The following AGBL4 variants were observed in gnomAD, a reference collection of about 807,000 sequenced individuals.
AGBL4 encodes the protein AGBL carboxypeptidase 4, also known as cytosolic carboxypeptidase 6.
A neutral mutation model predicts 66.4 loss-of-function variants in AGBL4; 58 were observed. The ratio of observed to expected loss-of-function variants is 0.87; its 90% CI spans 0.71 to 1.09. The LOEUF (loss-of-function observed/expected upper bound fraction) is 1.09, where lower values mean the gene tolerates loss of function less well. AGBL4 is among the 50% of genes least tolerant of loss of function. The pLI is 0.00. For synonymous variants in AGBL4, 234 were observed against 222.9 expected (o/e 1.05, Z -0.44); for missense variants, 579 against 631.0 (o/e 0.92, Z 0.88).
chr1:49,431,748 T>A (rs1645791341), intron 3 of AGBL4, among the ~76,000 whole-genome samples: 1 of 152,132 alleles, frequency 6.6e-6, no homozygotes, highest in Non-Finnish European at 1.5e-5. Flanking sequence ...TATTTTAAAC[T>A]TTACATCTGC....
At position 49,466,238 on chromosome 1, in the gene AGBL4, T is replaced by G. The variant is rs1158603378; in HGVS notation, c.283-220374A>C. Among the ~76,000 whole-genome samples, 18 of 152,036 alleles carry G rather than the reference T, an allele frequency of 1.2e-4. No individual in the cohort carries two copies. The East Asian group carries it at 3.5e-3, about 30-fold the overall frequency. The stretch of plus-strand genomic sequence containing the variant: ...CCAATCTATGTTCTTGAGAATCATT[T>G]TATAGAATTTGGGTTCCCCAAAAAT... On this transcript the variant is annotated intron_variant, in intron 3 of 13. Transcript: ENST00000371839.
intron 6 of AGBL4, among the ~76,000 whole-genome samples, chr1:48,770,084 C>G (rs1644738093): frequency 6.6e-6 from 1 of 152,150 alleles, no homozygotes; most frequent in Non-Finnish European, 1.5e-5. Context: ...CATTATTTGT[C>G]TGCTCTCTCT....
chr1:49,598,464 G>A (rs547474784), intron 3 of AGBL4, among the ~76,000 whole-genome samples: 2 of 152,330 alleles, frequency 1.3e-5, no homozygotes, highest in Non-Finnish European at 2.9e-5. Flanking sequence ...GTCTGTTGGA[G>A]TTTGCTAGAG....
At chr1:48,548,029 G>A (rs550733734) in intron 11 of AGBL4, among the ~76,000 whole-genome samples, 1 of 152,164 alleles carries the variant, frequency 6.6e-6, no homozygotes, top group African/African-American at 2.4e-5. Context: ...AATATTTAGG[G>A]AGAACTGACT....
chr1:49,743,098 T>A (rs1178465925), intron 2 of AGBL4, among the ~76,000 whole-genome samples: 4 of 151,968 alleles, frequency 2.6e-5, no homozygotes, highest in South Asian at 2.1e-4. Context: ...AGAAACTACC[T>A]TCAGACTGAA....
chr1:49,257,066 G>A (rs1185176992), intron 3 of AGBL4, among the ~76,000 whole-genome samples: 3 of 147,866 alleles, frequency 2.0e-5, no homozygotes, highest in African/African-American at 7.5e-5. Flanking sequence ...AAGCACAGAA[G>A]CATTAATTAT....
chr1:48,676,010 A>G (rs1646359322), intron 6 of AGBL4, among the ~76,000 whole-genome samples: 1 of 152,220 alleles, frequency 6.6e-6, no homozygotes, highest in South Asian at 2.1e-4. Context: ...GTGCTCCTCG[A>G]AAAAACTCCT....
chr1:48,884,443 C>T (rs776559465), intron 5 of AGBL4, among the ~76,000 whole-genome samples: 12 of 151,604 alleles, frequency 7.9e-5, no homozygotes, highest in Non-Finnish European at 1.5e-4. Context: ...GTTATGAGCC[C>T]ACAGTAGGTG....
At chr1:49,485,796 T>C (rs915742468) in intron 3 of AGBL4, among the ~76,000 whole-genome samples, 1 of 151,572 alleles carries the variant, frequency 6.6e-6, no homozygotes, top group Non-Finnish European at 1.5e-5. Context: ...AGACAGAGGA[T>C]AGAAGGATAG....
intron 3 of AGBL4, among the ~76,000 whole-genome samples, chr1:49,576,498 G>T (rs995819014): frequency 4.6e-5 from 7 of 152,202 alleles, no homozygotes; most frequent in Non-Finnish European, 1.0e-4. Flanking sequence ...CTTTGTGAGA[G>T]ACAGCTATTT....
At chr1:49,266,890 G>A (rs906958963) in intron 3 of AGBL4, among the ~76,000 whole-genome samples, 4 of 152,218 alleles carry the variant, frequency 2.6e-5, no homozygotes, top group African/African-American at 2.4e-5. Flanking sequence ...AATTGTAGGT[G>A]TGAAAGGTTC....
At chr1:49,667,101 A>G (rs538578616) in intron 3 of AGBL4, among the ~76,000 whole-genome samples, 4 of 152,148 alleles carry the variant, frequency 2.6e-5, no homozygotes, top group Non-Finnish European at 5.9e-5. Context: ...AATATAATAC[A>G]TGTTAAAGCA....
At chr1:49,268,412 A>ACACACC (rs1643975631) in intron 3 of AGBL4, among the ~76,000 whole-genome samples, 1 of 20,446 alleles carries the variant, frequency 4.9e-5, no homozygotes, top group Non-Finnish European at 1.1e-4. Flanking sequence ...TTTTTTAAAC[A>ACACACC]CACACACACA....
chr1:48,689,219 A>AAAAGAAAAGAAAAGAAAAG (rs1553207684), intron 6 of AGBL4, among the ~76,000 whole-genome samples: 1 of 141,582 alleles, frequency 7.1e-6, no homozygotes, highest in African/African-American at 3.1e-5. Flanking sequence ...AAAAAAAAAA[A>AAAAGAAAAGAAAAGAAAAG]AAAAGAAAAG....
chr1:49,172,178 T>C (rs1295469247), intron 4 of AGBL4, among the ~76,000 whole-genome samples: 1 of 152,176 alleles, frequency 6.6e-6, no homozygotes, highest in African/African-American at 2.4e-5. Context: ...GATGGACACT[T>C]TGTTCTTTCA....
intron 4 of AGBL4, among the ~76,000 whole-genome samples, chr1:49,137,857 A>G (rs540212134): frequency 8.7e-4 from 132 of 152,264 alleles, no homozygotes; most frequent in African/African-American, 3.0e-3. Flanking sequence ...GGACAAGCCG[A>G]AAATAATAAT....
chr1:48,873,231 A>G (rs1648864371), intron 5 of AGBL4, among the ~76,000 whole-genome samples: 1 of 152,164 alleles, frequency 6.6e-6, no homozygotes, highest in African/African-American at 2.4e-5. Flanking sequence ...TCTGAGCTCT[A>G]GCTATGATCA....
chr1:48,659,888 A>G (rs530485205), intron 7 of AGBL4, among the ~76,000 whole-genome samples: 1 of 152,352 alleles, frequency 6.6e-6, no homozygotes, highest in African/African-American at 2.4e-5. Context: ...ATGGATATGA[A>G]CTGTGTCAGT....
Position 49,107,692 on chromosome 1 carries a change from TGTGAGAGAGAGAGAGAGA to T in AGBL4, c.378-61910_378-61893del, listed in dbSNP as rs1341188390. Among the ~76,000 whole-genome samples, 223 of 117,832 alleles carry T rather than the reference TGTGAGAGAGAGAGAGAGA, an allele frequency of 1.9e-3. 1 individual carries two copies. The highest frequency in any genetic ancestry group is 6.9e-3 in the African/African-American group (202 of 29,112). 77.3% of individuals were successfully genotyped at this position (117,832 alleles called of 152,430 possible). A position where few individuals can be genotyped will look rare whatever the true frequency, so the allele number is the denominator to read the frequency against. On this transcript the variant is annotated intron_variant, in intron 4 of 13. Transcript: ENST00000371839. Reference sequence around the variant, plus strand: ...ATGTGTATGTGTGTGTGTGTGTGTGTGTGAGAGAGAGAGAGAGAGAGAGAGAGAGAGAGAGAGAGAGAG... The same window carrying T: ...ATGTGTATGTGTGTGTGTGTGTGTGTGAGAGAGAGAGAGAGAGAGAGAGAG...
Sources: gnomAD v4.1 joint callset for allele counts (sites outside exome capture counted in the v4.1 genomes callset) on GRCh38, gnomAD v4.1.1 for gene constraint, MANE v1.5 for transcripts, NCBI Gene and HGNC (gene_info 2026-07-23, HGNC 2026-07-21) for gene names.